The following SCAMP1 variants were observed in gnomAD, a reference collection of about 807,000 sequenced individuals.
SCAMP1 encodes the protein secretory carrier-associated membrane protein 1.
Under a neutral mutation model 41.8 loss-of-function variants are expected in SCAMP1, and 15 were observed. The ratio of observed to expected loss-of-function variants is 0.36; its 90% CI spans 0.24 to 0.55. SCAMP1 has a LOEUF of 0.55. Among genes scored for constraint, SCAMP1 ranks in the 20% least tolerant of loss-of-function variants. The probability of loss-of-function intolerance (pLI) is 0.86; values close to 1 mark genes in which losing one functional copy is unlikely to be tolerated. For missense variants in SCAMP1, 341 were observed against 412.6 expected (o/e 0.83, Z 1.50); for synonymous variants, 135 against 136.8 (o/e 0.99, Z 0.09).
intron 8 of SCAMP1, among the ~76,000 whole-genome samples, chr5:78,461,576 T>C (rs1195807823): frequency 6.6e-6 from 1 of 152,294 alleles, no homozygotes; most frequent in Admixed American, 6.5e-5. Context: ...CTTTTTTCTT[T>C]TTTGAGACAG....
chr5:78,419,982 CTTAT>C (rs903783440), intron 5 of SCAMP1, among the ~76,000 whole-genome samples: 1 of 152,078 alleles, frequency 6.6e-6, no homozygotes, highest in Non-Finnish European at 1.5e-5. Context: ...CTAACCAACT[CTTAT>C]TTAATCAATA....
intron 6 of SCAMP1, among the ~76,000 whole-genome samples, chr5:78,441,055 GA>G (rs1239968093): frequency 3.3e-5 from 5 of 152,200 alleles, no homozygotes; most frequent in African/African-American, 9.6e-5. Flanking sequence ...AAGACCATTG[GA>G]AAAGCACAGT....
chr5:78,423,186 A>G (rs1752383096), intron 6 of SCAMP1, among the ~76,000 whole-genome samples: 3 of 152,198 alleles, frequency 2.0e-5, no homozygotes, highest in Non-Finnish European at 2.9e-5. Flanking sequence ...AATGGCATAA[A>G]GAGAAGAAAT....
chr5:78,441,018 A>G (rs1350800811), intron 6 of SCAMP1, among the ~76,000 whole-genome samples: 1 of 152,184 alleles, frequency 6.6e-6, no homozygotes. Flanking sequence ...CAGGCACAGG[A>G]TATAATCTCC....
Position 78,457,434 on chromosome 5 carries a change from A to G in SCAMP1, c.735-1811A>G, listed in dbSNP as rs571131711. ...GACCCTCAGCTGCAGGTCTGTTGGA[A>G]TACCCTGTCGTGTAAGGTGTCAGTG... On this transcript the variant is annotated intron_variant, in intron 7 of 8. Transcript: ENST00000621999. Among the ~76,000 whole-genome samples the G allele has an allele frequency of 4.6e-4, 70 of 151,616 alleles. No homozygotes were observed. The South Asian group carries it at 6.5e-3, about 14-fold the overall frequency.
rs762590977 is a variant in SCAMP1, at chr5:78,418,746, C to A, written c.344-29C>A. 13 of 1,338,274 alleles carry A rather than the reference C, an allele frequency of 9.7e-6. No individual in the cohort carries two copies. The South Asian group carries it at 1.5e-4, about 16-fold the overall frequency. The allele number at this position is 1,338,274 out of a possible 1,614,324, so 82.9% of individuals were successfully genotyped here. A position where few individuals can be genotyped will look rare whatever the true frequency, so the allele number is the denominator to read the frequency against. On this transcript the variant is annotated intron_variant, in intron 4 of 8. Coordinates refer to ENST00000621999, the MANE Select transcript of SCAMP1 (RefSeq NM_004866.6). ...ATCACATTTGTTATAATATAAATAA[C>A]CTTTTCTTTTTCTAAAAAAAATTTA...
intron 8 of SCAMP1, among the ~76,000 whole-genome samples, chr5:78,472,938 T>A (rs960865446): frequency 1.2e-4 from 19 of 152,292 alleles, no homozygotes; most frequent in African/African-American, 4.6e-4. Context: ...TCTGGTTTGG[T>A]CTAGTAAGTA....
Position 78,477,696 on chromosome 5 carries a change from C to G in SCAMP1, c.*2028C>G, listed in dbSNP as rs1754036960. 1 of 152,146 alleles carries G rather than the reference C, an allele frequency of 6.6e-6. No individual in the cohort carries two copies. The highest frequency in any genetic ancestry group is 3.4e-3 in the Middle Eastern group (1 of 294). 9.4% of individuals were successfully genotyped at this position (152,146 alleles called of 1,614,324 possible). A position where few individuals can be genotyped will look rare whatever the true frequency, so the allele number is the denominator to read the frequency against. On this transcript the variant is annotated 3_prime_UTR_variant, in exon 9 of 9. Coordinates refer to ENST00000621999, the MANE Select transcript of SCAMP1 (RefSeq NM_004866.6). ...TAAATAGCAAAGAATAATTAGAACC[C>G]ACATATCTTTTTTTGTGTGGATGGG...
intron 8 of SCAMP1, among the ~76,000 whole-genome samples, chr5:78,464,778 A>G (rs1402129890): frequency 6.6e-6 from 1 of 152,156 alleles, no homozygotes; most frequent in East Asian, 1.9e-4. Flanking sequence ...TTGCTCAGCC[A>G]TACTCTGGGC....
chr5:78,456,263 C>T (rs555170551), intron 7 of SCAMP1, among the ~76,000 whole-genome samples: 124 of 148,346 alleles, frequency 8.4e-4, no homozygotes, highest in African/African-American at 2.9e-3. Context: ...TTAGTTGATG[C>T]AGTTTCTTCC....
intron 1 of SCAMP1, among the ~76,000 whole-genome samples, chr5:78,375,914 A>T (rs185212260): frequency 3.3e-5 from 5 of 152,354 alleles, no homozygotes; most frequent in African/African-American, 1.2e-4. Flanking sequence ...TCTAGTAGCC[A>T]TATTAGAAAA....
intron 6 of SCAMP1, among the ~76,000 whole-genome samples, chr5:78,440,946 T>G (rs1009632107): frequency 3.9e-5 from 6 of 152,184 alleles, no homozygotes; most frequent in Non-Finnish European, 8.8e-5. Context: ...CACCTTGCAG[T>G]TCGATCTCAG....
chr5:78,418,331 G>C (rs1752258145), intron 4 of SCAMP1, among the ~76,000 whole-genome samples: 1 of 152,144 alleles, frequency 6.6e-6, no homozygotes, highest in Non-Finnish European at 1.5e-5. Context: ...TTCTCCACTT[G>C]AGATAGGAAT....
At chr5:78,459,223 T>A in intron 7 of SCAMP1, 22 bp from the exon 8 acceptor site, 1 of 1,132,862 alleles carries the variant, frequency 8.8e-7, no homozygotes, top group Non-Finnish European at 1.3e-6. Flanking sequence ...TTTGCCTAAT[T>A]ACACTTTTTA....
At chr5:78,424,844 T>A (rs997841972) in intron 6 of SCAMP1, among the ~76,000 whole-genome samples, 13 of 152,220 alleles carry the variant, frequency 8.5e-5, no homozygotes, top group African/African-American at 3.1e-4. Context: ...GCAGCATTAT[T>A]GTTGAATGTT....
chr5:78,398,353 C>CTTTT (rs1751706327), intron 2 of SCAMP1, among the ~76,000 whole-genome samples: 1 of 100,928 alleles, frequency 9.9e-6, no homozygotes, highest in African/African-American at 4.0e-5. Flanking sequence ...TAGGGTTCAC[C>CTTTT]TCTTTTTTTT....
chr5:78,403,537 G>A (rs1478500170), intron 2 of SCAMP1, among the ~76,000 whole-genome samples: 1 of 152,128 alleles, frequency 6.6e-6, no homozygotes, highest in Non-Finnish European at 1.5e-5. Context: ...TCTCATGCAT[G>A]TAATCAGCTT....
chr5:78,410,650 G>A (rs1027299887), intron 2 of SCAMP1, among the ~76,000 whole-genome samples: 1 of 152,102 alleles, frequency 6.6e-6, no homozygotes, highest in African/African-American at 2.4e-5. Context: ...ATATTCCTTT[G>A]GGTATTTACA....
intron 2 of SCAMP1, among the ~76,000 whole-genome samples, chr5:78,402,630 A>T (rs184442677): frequency 6.6e-6 from 1 of 152,054 alleles, no homozygotes; most frequent in African/African-American, 2.4e-5. Context: ...ATTTTTTATC[A>T]GTGTTAGCAT....
Sources: gnomAD v4.1 joint callset for allele counts (sites outside exome capture counted in the v4.1 genomes callset) on GRCh38, gnomAD v4.1.1 for gene constraint, MANE v1.5 for transcripts, NCBI Gene and HGNC (gene_info 2026-07-23, HGNC 2026-07-21) for gene names.